WDR93: variants seen among roughly 807,000 people sequenced by gnomAD.
WDR93 encodes WD repeat domain 93.
Under a neutral mutation model 82.9 loss-of-function variants are expected in WDR93, and 73 were observed. The observed-to-expected ratio is 0.88, with a 90% confidence interval of 0.73 to 1.07. The LOEUF (loss-of-function observed/expected upper bound fraction) is 1.07, where lower values mean the gene tolerates loss of function less well. Ranked by LOEUF, WDR93 falls within the 50% of genes least tolerant of loss-of-function variation. The pLI is 0.00. For synonymous variants in WDR93, 283 were observed against 300.1 expected (o/e 0.94, Z 0.59); for missense variants, 738 against 826.0 (o/e 0.89, Z 1.31).
In WDR93 at chr15:89,713,244, AG is replaced by A. The variant is rs1966083123; in HGVS notation, c.640+1142del. On this transcript the variant is annotated intron_variant, in intron 5 of 16. Coordinates refer to ENST00000268130, the MANE Select transcript of WDR93 (RefSeq NM_020212.2). ...AACACCTTGAGGGAGATACTTTGAG[AG>A]GATGCTGATGTGCTGTTTCTCTTTA... Among the ~76,000 whole-genome samples the A allele has an allele frequency of 2.0e-5, 3 of 151,870 alleles. No homozygotes were observed. The South Asian group carries it at 6.2e-4, about 32-fold the overall frequency.
Position 89,738,091 on chromosome 15 carries a change from T to G in WDR93, c.1816T>G (p.Ser606Ala). The change falls in exon 16 of 17, where the codon TCT becomes GCT. Residue 606 changes from serine to alanine, a missense_variant. Coordinates refer to ENST00000268130, the MANE Select transcript of WDR93 (RefSeq NM_020212.2). ...ASTDDAGIQYSVFYFNFEACP... is the reference protein window; with the variant it reads ...ASTDDAGIQYAVFYFNFEACP... ...CACCGACGATGCTGGAATCCAATATTCTGTTTTCTATTTTAATTTTGAGGC... is the reference window on the plus strand; with the variant it reads ...CACCGACGATGCTGGAATCCAATATGCTGTTTTCTATTTTAATTTTGAGGC... 6.2e-7 allele frequency: 1 copy of G among 1,613,812 alleles called. No homozygotes were observed. Among genetic ancestry groups the G allele is most frequent in the South Asian group, 1.1e-5 (1 of 91,014 alleles).
At chr15:89,738,311 C>A in intron 16 of WDR93, 75 bp downstream of exon 16, 1 of 1,458,402 alleles carries the variant, frequency 6.9e-7, no homozygotes, top group Non-Finnish European at 9.2e-7. Flanking sequence ...GAGTTTCTTT[C>A]ATGGTAAATC....
intron 1 of WDR93, among the ~76,000 whole-genome samples, chr15:89,694,528 C>T (rs1335492504): frequency 6.6e-6 from 1 of 152,178 alleles, no homozygotes; most frequent in African/African-American, 2.4e-5. Flanking sequence ...AGCCACTGCA[C>T]CCGGCCGGGT....
intron 2 of WDR93, 150 bp from the exon 3 acceptor site, chr15:89,702,800 A>G (rs1424121573): frequency 4.6e-6 from 4 of 866,090 alleles, no homozygotes; most frequent in Non-Finnish European, 5.2e-6. Flanking sequence ...CGGCCTCCCA[A>G]AGTGCTGGGA....
intron 14 of WDR93, among the ~76,000 whole-genome samples, 186 bp from the exon 15 acceptor site, chr15:89,737,387 A>T (rs1967287725): frequency 6.6e-6 from 1 of 152,174 alleles, no homozygotes; most frequent in South Asian, 2.1e-4. Flanking sequence ...CTGTTGGCTG[A>T]GGGGGACCCC....
intron 1 of WDR93, among the ~76,000 whole-genome samples, chr15:89,694,500 G>A (rs921169777): frequency 1.3e-5 from 2 of 152,092 alleles, no homozygotes; most frequent in East Asian, 3.8e-4. Context: ...CTCCCAAAGT[G>A]CTGGGATTAC....
rs760074207 is a variant in WDR93 at position 89,733,050 on chromosome 15, C to G, written c.1375C>G (p.Gln459Glu). ...TGCTCTTCCTCAGGGATGTTTCTGC[C>G]AAAGCATTCACTTCCTAAAATATTT... Reference protein sequence around the residue: ...VAALPQGCFCQSIHFLKYFSV... With the variant: ...VAALPQGCFCESIHFLKYFSV... Residue 459 changes from glutamine (Q) to glutamate (E), a missense_variant, in exon 13 of 17, where the codon CAA becomes GAA. Transcript: ENST00000268130. 2.6e-5 allele frequency: 42 copies of G among 1,614,034 alleles called. No homozygotes were observed. Among genetic ancestry groups the G allele is most frequent in the Non-Finnish European group, 3.2e-5 (38 of 1,180,048 alleles).
intron 7 of WDR93, among the ~76,000 whole-genome samples, chr15:89,718,949 T>C (rs1966390504): frequency 6.6e-6 from 1 of 152,244 alleles, no homozygotes; most frequent in South Asian, 2.1e-4. Flanking sequence ...CTTTAGTGTG[T>C]ATTTACATCT....
At chr15:89,699,738 A>C (rs770242941) in intron 1 of WDR93, among the ~76,000 whole-genome samples, 1 of 151,992 alleles carries the variant, frequency 6.6e-6, no homozygotes, top group Non-Finnish European at 1.5e-5. Flanking sequence ...TGAAATCTTC[A>C]TGTTAATCTA....
intron 7 of WDR93, among the ~76,000 whole-genome samples, chr15:89,718,130 C>T (rs1232996510): frequency 1.3e-5 from 2 of 152,030 alleles, no homozygotes; most frequent in Non-Finnish European, 2.9e-5. Flanking sequence ...CTCTTGAGCT[C>T]AGGAATTTGA....
At chr15:89,729,338 C>A (rs1464430975) in intron 10 of WDR93, among the ~76,000 whole-genome samples, 1 of 152,082 alleles carries the variant, frequency 6.6e-6, no homozygotes, top group Non-Finnish European at 1.5e-5. Context: ...AAGGCATGAG[C>A]CCACATCCAC....
chr15:89,737,244 G>C (rs1967274304), intron 14 of WDR93, among the ~76,000 whole-genome samples: 3 of 152,216 alleles, frequency 2.0e-5, no homozygotes, highest in Admixed American at 2.0e-4. Flanking sequence ...GGCATTGGGA[G>C]CACAGGTGAG....
At chr15:89,716,174 G>A (rs1315195802) in intron 6 of WDR93, among the ~76,000 whole-genome samples, 2 of 152,086 alleles carry the variant, frequency 1.3e-5, no homozygotes, top group Non-Finnish European at 2.9e-5. Flanking sequence ...TATGTCCCTG[G>A]GAAAGTTACT....
intron 9 of WDR93, among the ~76,000 whole-genome samples, chr15:89,728,099 AT>A (rs776382461): frequency 4.4e-4 from 67 of 152,178 alleles, no homozygotes; most frequent in Non-Finnish European, 7.5e-4. Flanking sequence ...ATTAAAAAAA[AT>A]AATAAAAAAC....
intron 7 of WDR93, among the ~76,000 whole-genome samples, chr15:89,718,029 CCTT>C (rs1966338241): frequency 6.6e-6 from 1 of 152,124 alleles, no homozygotes; most frequent in African/African-American, 2.4e-5. Context: ...CGCTAGAGCC[CCTT>C]CTTTTTTCCC....
At chr15:89,704,177 A>AG (rs1965618299) in intron 3 of WDR93, 2 of 151,560 alleles carry the variant, frequency 1.3e-5, no homozygotes, top group African/African-American at 4.8e-5. Flanking sequence ...ATACAAAAAA[A>AG]AAAAAAAAAA....
In WDR93 at chr15:89,701,699, C is replaced by T; in HGVS notation, c.-40-8C>T. 1.9e-6 allele frequency: 3 copies of T among 1,571,720 alleles called. No individual in the cohort carries two copies. The highest frequency in any genetic ancestry group is 2.6e-6 in the Non-Finnish European group (3 of 1,158,634). ...TTCCAGAATTCCTTTGTTTACTTCT[C>T]TTATCAGCTTTTCAGTTTCATAGAG... On this transcript the variant is annotated splice_region_variant and splice_polypyrimidine_tract_variant and intron_variant, in intron 1 of 16. Coordinates refer to ENST00000268130, the MANE Select transcript of WDR93 (RefSeq NM_020212.2).
At chr15:89,742,799 C>G (rs1291464496) in intron 16 of WDR93, among the ~76,000 whole-genome samples, 5 of 152,214 alleles carry the variant, frequency 3.3e-5, no homozygotes, top group African/African-American at 1.2e-4. Context: ...TCCCAAAGTG[C>G]TGGGATTACA....
At chr15:89,742,250 T>C (rs533346846) in intron 16 of WDR93, among the ~76,000 whole-genome samples, 1 of 152,168 alleles carries the variant, frequency 6.6e-6, no homozygotes, top group East Asian at 1.9e-4. Flanking sequence ...AAAAAATTAA[T>C]TAATTAAATT....
Sources: allele counts gnomAD v4.1 joint callset (sites outside exome capture counted in the v4.1 genomes callset), GRCh38; gene constraint gnomAD v4.1.1; transcripts MANE v1.5; gene names NCBI Gene and HGNC (gene_info 2026-07-23, HGNC 2026-07-21).